The following CEP350 variants were observed in gnomAD, a reference collection of about 807,000 sequenced individuals.
The protein encoded by CEP350 is centrosomal protein 350.
CEP350 carries 126 observed loss-of-function variants against 331.8 expected under a neutral mutation model. The ratio of observed to expected loss-of-function variants is 0.38; its 90% confidence interval spans 0.33 to 0.44. The LOEUF is 0.44. CEP350 is among the 20% of genes least tolerant of loss of function. The pLI is 1.00. For missense variants in CEP350, 3,406 were observed against 3,634.6 expected, an observed-to-expected ratio of 0.94 and a Z score of 1.62; for synonymous variants, 1,200 against 1,259.5, an observed-to-expected ratio of 0.95 and a Z score of 1.00.
At chr1:180,021,774 C>T (rs1005042770) in intron 12 of CEP350, among the ~76,000 whole-genome samples, 8 of 152,196 alleles carry the variant, frequency 5.3e-5, no homozygotes, top group African/African-American at 1.9e-4. Context: ...AATATGAAAA[C>T]AACTCTATTA....
intron 4 of CEP350, among the ~76,000 whole-genome samples, 187 bp downstream of exon 4, chr1:179,990,808 T>C (rs184884786): frequency 6.6e-6 from 1 of 152,348 alleles, no homozygotes; most frequent in Admixed American, 6.5e-5. Context: ...CCTCTCATCT[T>C]GGACTCCTTT....
At chr1:179,975,619 A>G (rs995549490) in intron 1 of CEP350, among the ~76,000 whole-genome samples, 6 of 152,234 alleles carry the variant, frequency 3.9e-5, no homozygotes, top group Non-Finnish European at 7.3e-5. Context: ...ATAACTAAGT[A>G]TATGATGGAA....
rs149204920 is a variant in CEP350 at position 180,020,096 on chromosome 1, T to C, written c.2322T>C (p.Asp774=). The change falls in exon 12 of 38, where the codon GAT becomes GAC. Residue 774 remains aspartate, a synonymous_variant. Coordinates refer to ENST00000367607, the MANE Select transcript of CEP350 (RefSeq NM_014810.5). ...SLEHVGILHK[D]FESILPTRKN... Reference sequence around the variant, plus strand: ...AGCATGTAGGAATTTTGCATAAGGATTTTGAATCTATTTTACCAACCAGGA... The same window carrying C: ...AGCATGTAGGAATTTTGCATAAGGACTTTGAATCTATTTTACCAACCAGGA... The C allele has an allele frequency of 9.3e-6, 15 of 1,613,880 alleles. No individual in the cohort carries two copies. The African/African-American group carries it at 1.9e-4, about 20-fold the overall frequency.
chr1:180,072,065 T>C (rs1464422971), intron 27 of CEP350, among the ~76,000 whole-genome samples: 2 of 152,208 alleles, frequency 1.3e-5, no homozygotes, highest in African/African-American at 4.8e-5. Flanking sequence ...ATCTCAACTT[T>C]ATTCAACGTT....
chr1:180,049,974 G>A (rs1027260628), intron 22 of CEP350, among the ~76,000 whole-genome samples: 2 of 152,214 alleles, frequency 1.3e-5, no homozygotes, highest in African/African-American at 2.4e-5. Flanking sequence ...AGTTCTACCA[G>A]TTTACTGCCT....
chr1:179,975,962 C>T (rs996487986), intron 1 of CEP350, among the ~76,000 whole-genome samples: 3 of 151,936 alleles, frequency 2.0e-5, no homozygotes, highest in East Asian at 1.9e-4. Context: ...AAGTAGAGAA[C>T]CCATCAGGAG....
intron 6 of CEP350, among the ~76,000 whole-genome samples, chr1:180,002,544 T>C (rs1653936701): frequency 6.6e-6 from 1 of 152,098 alleles, no homozygotes; most frequent in Admixed American, 6.6e-5. Flanking sequence ...AAATAAAATT[T>C]GGTAGTTCCT....
intron 29 of CEP350, among the ~76,000 whole-genome samples, chr1:180,078,896 T>C (rs1297713580): frequency 6.6e-6 from 1 of 152,178 alleles, no homozygotes; most frequent in African/African-American, 2.4e-5. Context: ...CTGTGAATAT[T>C]GAGGGAATAG....
chr1:179,994,456 C>CTTTTTT (rs532002663), intron 5 of CEP350, among the ~76,000 whole-genome samples: 1 of 136,004 alleles, frequency 7.4e-6, no homozygotes, highest in African/African-American at 2.7e-5. Flanking sequence ...TTCTTTCTTT[C>CTTTTTT]TTTTTTTTTT....
intron 1 of CEP350, among the ~76,000 whole-genome samples, chr1:179,964,766 C>CT (rs576706075): frequency 0.042 from 6,048 of 142,582 alleles, 241 homozygotes; most frequent in African/African-American, 0.092. Context: ...GATCTTCTCA[C>CT]TTTTTTTTTT....
intron 1 of CEP350, among the ~76,000 whole-genome samples, chr1:179,975,330 CTCTG>C (rs778676355): frequency 4.6e-5 from 7 of 152,124 alleles, no homozygotes; most frequent in Non-Finnish European, 7.4e-5. Flanking sequence ...GAGTTTGGAG[CTCTG>C]TCCCATAAAT....
rs111944313 is a variant in CEP350 at position 180,078,133 on chromosome 1, T to TA, written c.5768-317dup. ...GGGCAACAAGAACGGGATGCCATCT[T>TA]AAAAAAAAAAAAATTACATGAAAGA... On this transcript the variant is annotated intron_variant, in intron 28 of 37. Transcript: ENST00000367607. Among the ~76,000 whole-genome samples, 764 of 142,946 alleles carry TA rather than the reference T, an allele frequency of 5.3e-3. 3 individuals are homozygous for TA. The highest frequency in any genetic ancestry group is 0.014 in the African/African-American group (535 of 39,048). 93.8% of individuals were successfully genotyped at this position (142,946 alleles called of 152,430 possible). A position where few individuals can be genotyped will look rare whatever the true frequency, so the allele number is the denominator to read the frequency against.
chr1:180,111,958 TCA>T lies in CEP350; in HGVS notation c.*800_*801del, dbSNP rs1661484925. 1 of 152,598 alleles carries T rather than the reference TCA, an allele frequency of 6.6e-6. No homozygotes were observed. Among genetic ancestry groups the T allele is most frequent in the Non-Finnish European group, 1.5e-5 (1 of 68,048 alleles). The allele number at this position is 152,598 out of a possible 1,614,324, so 9.5% of individuals were successfully genotyped here. ...GAATCTCTACCAGCTGCTCCCAGAA[TCA>T]CAGATACTCAGGACCATCTCAGGCA... On this transcript the variant is annotated 3_prime_UTR_variant, in exon 38 of 38. Coordinates refer to ENST00000367607, the MANE Select transcript of CEP350 (RefSeq NM_014810.5).
At position 180,093,367 on chromosome 1, in the gene CEP350, G is replaced by T; in HGVS notation, c.7262G>T (p.Ser2421Ile). ...AGAGATAAGCCACAGCCAATGAGGA[G>T]CTCTACAAGTGGAGCCACTAGCTTT... ...SCRDKPQPMR[S>I]STSGATSFGS... The change falls in exon 34 of 38, where the codon AGC becomes ATC. Residue 2421 changes from serine (S) to isoleucine (I), a missense_variant. Ser to Ile is a moderately radical substitution (Grantham distance 142, BLOSUM62 -2). Transcript: ENST00000367607. The T allele has an allele frequency of 1.2e-6, 2 of 1,600,750 alleles. No homozygotes were observed. Among genetic ancestry groups the T allele is most frequent in the African/African-American group, 1.3e-5 (1 of 74,854 alleles).
chr1:180,045,983 A>G (rs1238234693), intron 21 of CEP350, among the ~76,000 whole-genome samples: 5 of 152,242 alleles, frequency 3.3e-5, no homozygotes, highest in East Asian at 1.9e-4. Context: ...CATATGATAT[A>G]CCTTCTTTCT....
rs1305171694 is a variant in CEP350, at chr1:180,018,855, T to TCC, written c.2175-1094_2175-1093insCC. Among the ~76,000 whole-genome samples the TCC allele has an allele frequency of 2.8e-3, 241 of 85,316 alleles. 27 individuals are homozygous for TCC. Among genetic ancestry groups the TCC allele is most frequent in the East Asian group, 8.3e-3 (19 of 2,286 alleles). The allele number at this position is 85,316 out of a possible 152,430, so 56.0% of individuals were successfully genotyped here. A position where few individuals can be genotyped will look rare whatever the true frequency, so the allele number is the denominator to read the frequency against. ...AGCCTCATGTTCGTCTTCTCTTTCTTTCTTTTTTTTTTTTTTTTTCTGAGA... is the reference window on the plus strand; with the variant it reads ...AGCCTCATGTTCGTCTTCTCTTTCTTCCTCTTTTTTTTTTTTTTTTTCTGAGA... On this transcript the variant is annotated intron_variant, in intron 11 of 37. Transcript: ENST00000367607.
intron 37 of CEP350, among the ~76,000 whole-genome samples, chr1:180,108,777 C>A (rs973001526): frequency 3.9e-5 from 6 of 152,182 alleles, no homozygotes; most frequent in African/African-American, 1.4e-4. Context: ...AAACAAGTTT[C>A]TTTACTGCTG....
At chr1:180,050,737 A>T (rs901071769) in intron 22 of CEP350, among the ~76,000 whole-genome samples, 3 of 151,970 alleles carry the variant, frequency 2.0e-5, no homozygotes, top group Non-Finnish European at 4.4e-5. Context: ...TTACAAATGT[A>T]CGGAAGATCT....
intron 1 of CEP350, among the ~76,000 whole-genome samples, chr1:179,964,966 T>C (rs1379895058): frequency 6.6e-6 from 1 of 152,030 alleles, no homozygotes; most frequent in East Asian, 1.9e-4. Context: ...TTTGTTCTTT[T>C]TCTGGTTCCT....
Sources: allele counts gnomAD v4.1 joint callset (sites outside exome capture counted in the v4.1 genomes callset), GRCh38; gene constraint gnomAD v4.1.1; transcripts MANE v1.5; gene names NCBI Gene and HGNC (gene_info 2026-07-23, HGNC 2026-07-21).